Variants in FAM117A observed in about 807,000 individuals in gnomAD.
FAM117A encodes family with sequence similarity 117 member A.
A neutral mutation model predicts 44.1 loss-of-function variants in FAM117A; 21 were observed. The observed-to-expected ratio is 0.48, with a 90% CI of 0.34 to 0.69. FAM117A has a LOEUF of 0.69. Among genes scored for constraint, FAM117A ranks in the 30% least tolerant of loss-of-function variants. The pLI is 0.01. For missense variants in FAM117A, 498 were observed against 589.9 expected (o/e 0.84, Z 1.61); for synonymous variants, 220 against 238.3 (o/e 0.92, Z 0.71).
chr17:49,739,472 A>T (rs771613542), intron 1 of FAM117A, among the ~76,000 whole-genome samples: 12 of 152,146 alleles, frequency 7.9e-5, no homozygotes, highest in Non-Finnish European at 1.3e-4. Context: ...GCCCAATGAG[A>T]TTGACCTCAA....
chr17:49,723,514 C>G (rs1177650387), intron 2 of FAM117A, among the ~76,000 whole-genome samples: 1 of 152,166 alleles, frequency 6.6e-6, no homozygotes, highest in Non-Finnish European at 1.5e-5. Context: ...AAGGGAGGGG[C>G]CCAAGGGGGA....
At chr17:49,755,427 TAGC>T in intron 1 of FAM117A, among the ~76,000 whole-genome samples, 1 of 152,336 alleles carries the variant, frequency 6.6e-6, no homozygotes, top group South Asian at 2.1e-4. Context: ...AAAAGACAGT[TAGC>T]ATTCATCTTG....
rs139184336 is a variant in FAM117A, at chr17:49,717,520, G to A, written c.903C>T (p.Asn301=). 7.1e-5 allele frequency: 115 copies of A among 1,613,950 alleles called. No homozygotes were observed. Among genetic ancestry groups the A allele is most frequent in the South Asian group, 6.8e-4 (62 of 91,076 alleles). ...GAAEELASTP[N]DKASSPGHPA... is the part of the protein sequence containing the mutation. ...TCAGCCTTCGCGGCTTACCTTTGTC[G>A]TTGGGGGTGGATGCCAGCTCCTCGG... The change falls in exon 6 of 8, where the codon AAC becomes AAT. Residue 301 remains asparagine, a synonymous_variant. Transcript: ENST00000240364.
At chr17:49,764,386 T>G (rs571838480), upstream of FAM117A, among the ~76,000 whole-genome samples, 159 of 152,184 alleles carry the variant, frequency 1.0e-3, 1 homozygote, top group African/African-American at 3.7e-3. Flanking sequence ...GAGGGCTGGT[T>G]CTCCAGCGCC....
intron 5 of FAM117A, 36 bp downstream of exon 5, chr17:49,719,724 G>T: frequency 6.6e-7 from 1 of 1,522,004 alleles, no homozygotes; most frequent in South Asian, 1.3e-5. Context: ...GTGAGGCACG[G>T]ACTGTGGGTG....
At chr17:49,783,606 C>T (rs2143809069) in intron 1 of FAM117A, among the ~76,000 whole-genome samples, 1 of 152,226 alleles carries the variant, frequency 6.6e-6, no homozygotes, top group Admixed American at 6.5e-5. Context: ...GTAAGAGAAG[C>T]TCCAGGCCAT....
At chr17:49,757,237 C>T (rs915180254) in intron 1 of FAM117A, among the ~76,000 whole-genome samples, 12 of 152,292 alleles carry the variant, frequency 7.9e-5, no homozygotes, top group African/African-American at 2.9e-4. Flanking sequence ...AATCCACAAA[C>T]CTGTATGCCT....
intron 1 of FAM117A, among the ~76,000 whole-genome samples, chr17:49,777,009 G>A (rs1400140421): frequency 6.6e-6 from 1 of 152,234 alleles, no homozygotes. Flanking sequence ...CAAATAAGGG[G>A]AATTCTTGTG....
chr17:49,719,936 A>T, intron 4 of FAM117A, 42 bp from the exon 5 acceptor site: 1 of 1,572,408 alleles, frequency 6.4e-7, no homozygotes, highest in East Asian at 2.3e-5. Context: ...CAGCCCCACC[A>T]GGCCTAGACA....
chr17:49,767,598 T>C (rs2073749019), upstream of FAM117A, among the ~76,000 whole-genome samples: 1 of 152,122 alleles, frequency 6.6e-6, no homozygotes, highest in Admixed American at 6.5e-5. Flanking sequence ...AGGATGACAT[T>C]CAAAAACATC....
At chr17:49,788,623 G>C, upstream of FAM117A, 1 of 496,974 alleles carries the variant, frequency 2.0e-6, no homozygotes, top group South Asian at 2.8e-5. Flanking sequence ...CGTAACGTCA[G>C]GTGACGCGAG....
rs2073528044 is a variant in FAM117A, at chr17:49,720,372, C to T, written c.527G>A (p.Arg176Gln). 6.2e-7 allele frequency: 1 copy of T among 1,613,934 alleles called. No homozygotes were observed. Among genetic ancestry groups the T allele is most frequent in the Non-Finnish European group, 8.5e-7 (1 of 1,180,008 alleles). ...GTGGTCCCCTAGGAGTGGTGAACCT[C>T]GCTCCTTCTCTTTCCCACTGCGGCT... ...KLSRSGKEKE[R>Q]GSPLLGDHAV... Residue 176 changes from arginine to glutamine, a missense_variant, in exon 4 of 8, where the codon CGA becomes CAA. By Grantham distance (43) the Arg-to-Gln change is conservative. Transcript: ENST00000240364.
At chr17:49,784,497 C>T (rs1172245448) in intron 1 of FAM117A, among the ~76,000 whole-genome samples, 1 of 152,206 alleles carries the variant, frequency 6.6e-6, no homozygotes, top group African/African-American at 2.4e-5. Context: ...GTGCTGAACA[C>T]TCTGCATGAA....
Position 49,788,542 on chromosome 17 carries a change from T to C in FAM117A, c.-666A>G, listed in dbSNP as rs1363045413. 7.7e-6 allele frequency: 3 copies of C among 390,858 alleles called. No individual in the cohort carries two copies. In the East Asian group the frequency reaches 1.2e-4, roughly 15 times the overall value. The allele number at this position is 390,858 out of a possible 1,614,324, so 24.2% of individuals were successfully genotyped here. ...CCGGGTTCCACCACTGGAGTCACTTTCTGCCCAACTTCAAAATGGCGCCCA... is the reference window on the plus strand; with the variant it reads ...CCGGGTTCCACCACTGGAGTCACTTCCTGCCCAACTTCAAAATGGCGCCCA... On this transcript the variant is annotated 5_prime_UTR_variant, in exon 1 of 8. Transcript: ENST00000513602.
At chr17:49,786,811 C>T (rs1402453328) in intron 1 of FAM117A, among the ~76,000 whole-genome samples, 1 of 149,954 alleles carries the variant, frequency 6.7e-6, no homozygotes, top group Non-Finnish European at 1.5e-5. Flanking sequence ...GCTGGTATGG[C>T]TGGGAGTGGT....
chr17:49,764,181 C>G (rs1168551072), upstream of FAM117A: 2 of 606,780 alleles, frequency 3.3e-6, no homozygotes, highest in Non-Finnish European at 5.0e-6. Flanking sequence ...GGGGCGGGGA[C>G]CGGCCCCCTC....
chr17:49,764,251 C>T (rs1028714967), upstream of FAM117A: 3 of 396,186 alleles, frequency 7.6e-6, no homozygotes, highest in African/African-American at 2.1e-5. Context: ...CAATCCACAG[C>T]TTAGCCTTCC....
At chr17:49,771,183 G>C (rs944883328) in intron 1 of FAM117A, among the ~76,000 whole-genome samples, 2 of 152,168 alleles carry the variant, frequency 1.3e-5, no homozygotes, top group Non-Finnish European at 2.9e-5. Context: ...CTCCGGCCCA[G>C]GCAACAGAGC....
At chr17:49,764,377 A>G (rs1037043472), upstream of FAM117A, among the ~76,000 whole-genome samples, 7 of 152,118 alleles carry the variant, frequency 4.6e-5, no homozygotes, top group African/African-American at 1.7e-4. Flanking sequence ...TGTACAGAAG[A>G]GGGCTGGTTC....
Sources: allele counts gnomAD v4.1 joint callset (sites outside exome capture counted in the v4.1 genomes callset), GRCh38; gene constraint gnomAD v4.1.1; transcripts MANE v1.5; gene names NCBI Gene and HGNC (gene_info 2026-07-23, HGNC 2026-07-21).